Variants in SLC39A10 observed in about 807,000 individuals in gnomAD.
SLC39A10 encodes solute carrier family 39 member 10.
SLC39A10 carries 13 observed loss-of-function variants against 65.1 expected under a neutral mutation model. The observed-to-expected ratio is 0.20, with a 90% CI of 0.13 to 0.32. The LOEUF is 0.32. SLC39A10 is among the 10% of genes least tolerant of loss of function. The probability of loss-of-function intolerance (pLI) is 1.00; values close to 1 mark genes in which losing one functional copy is unlikely to be tolerated. For synonymous variants in SLC39A10, 321 were observed against 342.2 expected, an observed-to-expected ratio of 0.94 and a Z score of 0.68; for missense variants, 831 against 1,018.4, an observed-to-expected ratio of 0.82 and a Z score of 2.50.
intron 2 of SLC39A10, among the ~76,000 whole-genome samples, chr2:195,616,729 A>G (rs1307191782): frequency 3.3e-5 from 5 of 151,240 alleles, no homozygotes; most frequent in South Asian, 2.1e-4. Context: ...TCAGCCTTCC[A>G]AGTAGCTGGG....
At chr2:195,691,477 C>T (rs2105787830) in intron 3 of SLC39A10, among the ~76,000 whole-genome samples, 1 of 152,268 alleles carries the variant, frequency 6.6e-6, no homozygotes, top group African/African-American at 2.4e-5. Flanking sequence ...TTTACATTCC[C>T]ACCAGCAGTG....
intron 1 of SLC39A10, among the ~76,000 whole-genome samples, chr2:195,667,109 T>C (rs557214185): frequency 5.8e-4 from 88 of 152,350 alleles, no homozygotes; most frequent in African/African-American, 2.0e-3. Context: ...CTCAAGTTAG[T>C]GAAACAGGAG....
chr2:195,717,045 G>T, intron 7 of SLC39A10, 40 bp downstream of exon 7: 2 of 1,584,270 alleles, frequency 1.3e-6, no homozygotes, highest in South Asian at 2.3e-5. Context: ...TAATCTTATG[G>T]ACTATAATAT....
In SLC39A10 at chr2:195,680,819, A is replaced by T. The variant is rs762237014; in HGVS notation, c.777A>T (p.Glu259Asp). 12 of 1,614,164 alleles carry T rather than the reference A, an allele frequency of 7.4e-6. No homozygotes were observed. Among genetic ancestry groups the T allele is most frequent in the Non-Finnish European group, 1.0e-5 (12 of 1,180,018 alleles). ...PGFPPNHDQG[E>D]QYEHNRVHKP... ...TTCCCCCTAACCATGATCAGGGTGAACAGTATGAGCATAATCGGGTCCACA... is the reference window on the plus strand; with the variant it reads ...TTCCCCCTAACCATGATCAGGGTGATCAGTATGAGCATAATCGGGTCCACA... Residue 259 changes from glutamate (E) to aspartate (D), a missense_variant, in exon 2 of 10, where the codon GAA (glutamate) becomes GAT (aspartate). This residue lies in a region of SLC39A10 where 446 missense variants were observed against 499.2 expected (regional missense o/e 0.89). Transcript: ENST00000359634.
At chr2:195,631,978 T>A (rs1354297036) in intron 2 of SLC39A10, among the ~76,000 whole-genome samples, 5 of 152,080 alleles carry the variant, frequency 3.3e-5, no homozygotes, top group African/African-American at 1.2e-4. Context: ...TGCCTCAACC[T>A]CCTGGGCTCA....
chr2:195,665,294 G>T (rs886291054), intron 1 of SLC39A10, among the ~76,000 whole-genome samples: 14 of 152,168 alleles, frequency 9.2e-5, no homozygotes, highest in Admixed American at 2.0e-4. Flanking sequence ...TCCAGCCTGG[G>T]TGACAGAGCG....
intron 2 of SLC39A10, among the ~76,000 whole-genome samples, chr2:195,636,985 C>T (rs1163338221): frequency 6.6e-6 from 1 of 152,042 alleles, no homozygotes; most frequent in Non-Finnish European, 1.5e-5. Context: ...TTGGTTTTGG[C>T]CTCCCCTATG....
rs202244186 is a variant in SLC39A10, at chr2:195,644,725, AC to A, written c.-11-35303del. ...GAGGCTGAGGTGGAAGGATCACTTG[AC>A]CCCAGGAGGTCATGGCTGCACTGAG... On this transcript the variant is annotated intron_variant, in intron 2 of 2. Transcript: ENST00000458054. Among the ~76,000 whole-genome samples the A allele has an allele frequency of 5.6e-3, 842 of 149,728 alleles. 8 individuals carry two copies. The highest frequency in any genetic ancestry group is 0.02 in the African/African-American group (803 of 40,702).
intron 1 of SLC39A10, among the ~76,000 whole-genome samples, chr2:195,679,695 ATTCC>A (rs2105768024): frequency 6.6e-6 from 1 of 152,286 alleles, no homozygotes; most frequent in East Asian, 1.9e-4. Flanking sequence ...GGTTAGATAC[ATTCC>A]TAGCTATTTG....
chr2:195,690,380 C>A (rs1005237766), intron 3 of SLC39A10, among the ~76,000 whole-genome samples: 2 of 151,850 alleles, frequency 1.3e-5, no homozygotes, highest in African/African-American at 4.8e-5. Context: ...GTTTTAAATT[C>A]TTTTGGTTAT....
chr2:195,698,460 A>C (rs1574285612), intron 3 of SLC39A10, among the ~76,000 whole-genome samples: 1 of 151,964 alleles, frequency 6.6e-6, no homozygotes, highest in East Asian at 1.9e-4. Flanking sequence ...TAAGTTTTTC[A>C]TATATGGCTT....
chr2:195,707,092 A>C (rs1219109323), intron 4 of SLC39A10, among the ~76,000 whole-genome samples: 1 of 152,142 alleles, frequency 6.6e-6, no homozygotes, highest in Non-Finnish European at 1.5e-5. Context: ...CTTTAGGAGA[A>C]ATGCATAAGA....
At chr2:195,717,096 A>T (rs1691842917) in intron 7 of SLC39A10, 91 bp downstream of exon 7, 1 of 1,488,264 alleles carries the variant, frequency 6.7e-7, no homozygotes, top group African/African-American at 1.4e-5. Flanking sequence ...ATATATGGTT[A>T]TGTATCACTC....
At chr2:195,725,252 C>T (rs1362946955) in intron 8 of SLC39A10, among the ~76,000 whole-genome samples, 1 of 151,958 alleles carries the variant, frequency 6.6e-6, no homozygotes, top group Non-Finnish European at 1.5e-5. Flanking sequence ...TAAGCATACT[C>T]CATTAAGGAA....
intron 2 of SLC39A10, among the ~76,000 whole-genome samples, chr2:195,631,366 A>G (rs1688582430): frequency 6.6e-6 from 1 of 152,158 alleles, no homozygotes; most frequent in Non-Finnish European, 1.5e-5. Flanking sequence ...AGAGAGATCA[A>G]ATTGTTAAAC....
intron 2 of SLC39A10, among the ~76,000 whole-genome samples, chr2:195,650,156 G>C (rs6745715): frequency 0.62 from 93,869 of 151,558 alleles, 29,656 homozygotes; most frequent in Non-Finnish European, 0.69. Flanking sequence ...GTGGTGGGCA[G>C]CTGTAGTCCC....
At chr2:195,654,041 C>T (rs1219268200), upstream of SLC39A10, among the ~76,000 whole-genome samples, 1 of 152,100 alleles carries the variant, frequency 6.6e-6, no homozygotes, top group Non-Finnish European at 1.5e-5. Flanking sequence ...CAGGTTCAAG[C>T]GATTCTCCTG....
chr2:195,619,092 C>CAAAAA (rs66627464), intron 2 of SLC39A10, among the ~76,000 whole-genome samples: 2 of 69,654 alleles, frequency 2.9e-5, no homozygotes, highest in Non-Finnish European at 5.2e-5. Flanking sequence ...GACTCTGTCT[C>CAAAAA]AAAAAAAAAA....
chr2:195,639,541 C>T (rs1287434220), intron 2 of SLC39A10, among the ~76,000 whole-genome samples: 1 of 152,106 alleles, frequency 6.6e-6, no homozygotes, highest in Non-Finnish European at 1.5e-5. Flanking sequence ...ATGGATAGCC[C>T]ACATTTAATG....
Sources: gnomAD v4.1 joint callset for allele counts (sites outside exome capture counted in the v4.1 genomes callset) on GRCh38, gnomAD v4.1.1 for gene constraint, gnomAD v4.1.1 regional missense constraint, MANE v1.5 for transcripts, NCBI Gene and HGNC (gene_info 2026-07-23, HGNC 2026-07-21) for gene names.